KDR: variants seen among roughly 807,000 people sequenced by gnomAD.
KDR encodes the protein vascular endothelial growth factor receptor 2.
In KDR, 43 loss-of-function variants were observed where a neutral mutation model predicts 160.9. The observed-to-expected ratio is 0.27, with a 90% CI of 0.21 to 0.34. The LOEUF (loss-of-function observed/expected upper bound fraction) is 0.34, where lower values mean the gene tolerates loss of function less well. Among genes scored for constraint, KDR ranks in the 10% least tolerant of loss-of-function variants. The pLI, the probability that KDR is intolerant of heterozygous loss-of-function variation, is 1.00. For missense variants in KDR, 1,469 were observed against 1,666.4 expected, an observed-to-expected ratio of 0.88 and a Z score of 2.06; for synonymous variants, 617 against 600.1, an observed-to-expected ratio of 1.03 and a Z score of -0.41.
rs1719958839 is a variant in KDR at position 55,089,707 on chromosome 4, C to T, written c.3288G>A (p.Trp1096Ter). The change falls in exon 24 of 30, where the codon TGG (tryptophan) becomes TGA (stop). Residue 1096 changes from tryptophan to a stop codon, truncating the protein, a stop_gained. Transcript: ENST00000263923. LOFTEE classifies it high-confidence loss of function. ...SDVWSFGVLL[W>*]EIFSLGASPY... ...ATGACTTACCTAAGGAAAATATTTC[C>T]CACAGCAAAACACCAAAAGACCAGA... 6.2e-7 allele frequency: 1 copy of T among 1,613,684 alleles called. No individual in the cohort carries two copies. The highest frequency in any genetic ancestry group is 8.5e-7 in the Non-Finnish European group (1 of 1,179,768).
Position 55,079,736 on chromosome 4 carries a change from G to C in KDR, c.*205C>G. The C allele has an allele frequency of 1.6e-6, 1 of 619,528 alleles. No homozygotes were observed. The highest frequency in any genetic ancestry group is 2.8e-5 in the East Asian group (1 of 36,250). 38.4% of individuals were successfully genotyped at this position (619,528 alleles called of 1,614,324 possible). ...AAAAAGAGGATCAGGTCAACACTGG[G>C]AGAAGACACAGACACATTCTTGGGT... On this transcript the variant is annotated 3_prime_UTR_variant, in exon 30 of 30. Coordinates refer to ENST00000263923, the MANE Select transcript of KDR (RefSeq NM_002253.4).
chr4:55,124,037 A>G (rs932559890), intron 1 of KDR, among the ~76,000 whole-genome samples: 1 of 152,192 alleles, frequency 6.6e-6, no homozygotes, highest in Non-Finnish European at 1.5e-5. Flanking sequence ...GGGGAGAGAG[A>G]GGGCTTGTCT....
In KDR at chr4:55,106,829, A is replaced by C. The variant is rs141148696; in HGVS notation, c.1413-19T>G. 6.4e-4 allele frequency: 1,014 copies of C among 1,593,764 alleles called. 7 individuals carry two copies. The African/African-American group carries it at 0.012, about 19-fold the overall frequency. The stretch of plus-strand genomic sequence containing the variant: ...AGCTTGGCTATAAGAAAGAGATAAC[A>C]GCGCATATTATGATTTAATTTTTCT... On this transcript the variant is annotated intron_variant, in intron 10 of 29. Transcript: ENST00000263923.
rs1720137319 is a variant in KDR, at chr4:55,095,787, AGT to A, written c.2729-124_2729-123del. On this transcript the variant is annotated intron_variant, in intron 19 of 29. Coordinates refer to ENST00000263923, the MANE Select transcript of KDR (RefSeq NM_002253.4). The stretch of plus-strand genomic sequence containing the variant: ...GGCTACAACCTTTCATTGGGACAGG[AGT>A]GTAGAAATCAGCTGGTCCCAATCCC... 32 of 734,224 alleles carry A rather than the reference AGT, an allele frequency of 4.4e-5. No homozygotes were observed. In the South Asian group the frequency reaches 4.7e-4, roughly 11 times the overall value. 45.5% of individuals were successfully genotyped at this position (734,224 alleles called of 1,614,324 possible). A position where few individuals can be genotyped will look rare whatever the true frequency, so the allele number is the denominator to read the frequency against.
Position 55,098,247 on chromosome 4 carries a change from C to A in KDR, c.2399G>T (p.Gly800Val), listed in dbSNP as rs995912345. The A allele has an allele frequency of 6.2e-7, 1 of 1,613,764 alleles. No homozygotes were observed. The highest frequency in any genetic ancestry group is 1.3e-5 in the African/African-American group (1 of 74,908). ...TGGATCCATGACGATGGACAAGTAGCCTGTCTTCAGTTCCCCTCCATTGGC... is the reference window on the plus strand; with the variant it reads ...TGGATCCATGACGATGGACAAGTAGACTGTCTTCAGTTCCCCTCCATTGGC... Reference protein sequence around the residue: ...KRANGGELKTGYLSIVMDPDE... With the variant: ...KRANGGELKTVYLSIVMDPDE... The change falls in exon 17 of 30, where the codon GGC (glycine) becomes GTC (valine). Residue 800 changes from glycine to valine, a missense_variant. Physicochemically the swap from Gly to Val is moderately radical, Grantham distance 109 (BLOSUM62 -3). This residue lies in a region of KDR where 118 missense variants were observed against 110.8 expected (regional missense o/e 1.06). Transcript: ENST00000263923.
chr4:55,120,698 AT>A (rs761959098), intron 2 of KDR, among the ~76,000 whole-genome samples: 3 of 152,320 alleles, frequency 2.0e-5, no homozygotes, highest in Admixed American at 6.5e-5. Context: ...CATACCAAGC[AT>A]AATAAATATA....
chr4:55,098,048 T>C, intron 17 of KDR, 89 bp downstream of exon 17: 10 of 1,512,914 alleles, frequency 6.6e-6, no homozygotes, highest in South Asian at 1.1e-5. Flanking sequence ...GAATCCAACA[T>C]CTGAATACAC....
intron 22 of KDR, among the ~76,000 whole-genome samples, chr4:55,092,111 G>A (rs563486157): frequency 6.6e-6 from 1 of 152,306 alleles, no homozygotes; most frequent in African/African-American, 2.4e-5. Flanking sequence ...TTGCTCAAAT[G>A]TCAAGTTCTT....
In KDR at chr4:55,096,321, T is replaced by C; in HGVS notation, c.2636A>G (p.His879Arg). ...CTTGAGTTCAGACATGAGAGCTCGATGCTCACTGTGTGTTGCTCCTTCTAC... is the reference window on the plus strand; with the variant it reads ...CTTGAGTTCAGACATGAGAGCTCGACGCTCACTGTGTGTTGCTCCTTCTAC... The part of the protein sequence containing the change: ...MLKEGATHSE[H>R]RALMSELKIL... Residue 879 changes from histidine to arginine, a missense_variant, in exon 19 of 30, where the codon CAT becomes CGT. Physicochemically the swap from His to Arg is conservative, Grantham distance 29. Transcript: ENST00000263923. 6.2e-7 allele frequency: 1 copy of C among 1,612,600 alleles called. No homozygotes were observed. The highest frequency in any genetic ancestry group is 8.5e-7 in the Non-Finnish European group (1 of 1,178,792).
chr4:55,104,880 A>G lies in KDR; in HGVS notation c.1750T>C (p.Tyr584His). Residue 584 changes from tyrosine to histidine, a missense_variant, in exon 13 of 30, where the codon TAC becomes CAC. Tyr to His is a moderately conservative substitution (Grantham distance 83). This residue lies in a region of KDR where 792 missense variants were observed against 840.9 expected (regional missense o/e 0.94). Transcript: ENST00000263923. Reference protein sequence around the residue: ...DRSTFENLTWYKLGPQPLPIH... With the variant: ...DRSTFENLTWHKLGPQPLPIH... ...GGCAGAGGCTGTGGGCCAAGCTTGT[A>G]CCATGTGAGGTTCTCAAACGTAGAT... 3.1e-6 allele frequency: 5 copies of G among 1,614,014 alleles called. No individual in the cohort carries two copies. Among genetic ancestry groups the G allele is most frequent in the Non-Finnish European group, 4.2e-6 (5 of 1,179,906 alleles).
At chr4:55,087,883 G>C in intron 26 of KDR, 125 bp from the exon 27 acceptor site, 1 of 850,816 alleles carries the variant, frequency 1.2e-6, no homozygotes, top group Admixed American at 1.8e-5. Flanking sequence ...TCTGAACATA[G>C]AACTTTAAGA....
chr4:55,091,330 TC>T (rs1025972157), intron 22 of KDR, among the ~76,000 whole-genome samples: 55 of 152,128 alleles, frequency 3.6e-4, no homozygotes, highest in African/African-American at 1.2e-3. Context: ...TTTTGACTTT[TC>T]CCCCCAAACA....
At chr4:55,113,517 G>C in intron 6 of KDR, 36 bp from the exon 7 acceptor site, 1 of 1,578,802 alleles carries the variant, frequency 6.3e-7, no homozygotes, top group South Asian at 1.1e-5. Context: ...CCAAAGCACA[G>C]CATATAACAT....
Position 55,110,765 on chromosome 4 carries a change from T to G in KDR, c.980A>C (p.Lys327Thr). ...GCCACTTCCAAAAGCAACAAAAGGTTTTTCTGGAAGAAAATAAAAAAAAAA... is the reference window on the plus strand; with the variant it reads ...GCCACTTCCAAAAGCAACAAAAGGTGTTTCTGGAAGAAAATAAAAAAAAAA... ...KNSTFVRVHE[K>T]PFVAFGSGME... The change falls in exon 8 of 30, where the codon AAA (lysine) becomes ACA (threonine). Residue 327 changes from lysine to threonine, a missense_variant. Physicochemically the swap from Lys to Thr is moderately conservative, Grantham distance 78 (BLOSUM62 -1). Coordinates refer to ENST00000263923, the MANE Select transcript of KDR (RefSeq NM_002253.4). 2 of 1,590,074 alleles carry G rather than the reference T, an allele frequency of 1.3e-6. No homozygotes were observed. Among genetic ancestry groups the G allele is most frequent in the South Asian group, 2.2e-5 (2 of 89,868 alleles).
At chr4:55,094,576 C>T (rs569066396) in intron 21 of KDR, among the ~76,000 whole-genome samples, 55 of 152,352 alleles carry the variant, frequency 3.6e-4, no homozygotes, top group African/African-American at 1.3e-3. Flanking sequence ...CCCACTTGGA[C>T]TACCCAGATT....
rs367665921 is a variant in KDR, at chr4:55,089,913, TTC to T, written c.3192+41_3192+42del. The T allele has an allele frequency of 8.0e-5, 129 of 1,612,662 alleles. No homozygotes were observed. In the African/African-American group the frequency reaches 1.6e-3, roughly 19 times the overall value. Reference sequence around the variant, plus strand: ...TGAAGCTCTCTACGAGGAGTTTTAATTCTGTTACTTAACCAAGCACTGGGTTC... The same window carrying T: ...TGAAGCTCTCTACGAGGAGTTTTAATTGTTACTTAACCAAGCACTGGGTTC... On this transcript the variant is annotated intron_variant, in intron 23 of 29. Transcript: ENST00000263923.
intron 22 of KDR, 70 bp from the exon 23 acceptor site, chr4:55,090,148 T>C (rs1247654434): frequency 1.3e-6 from 2 of 1,584,938 alleles, no homozygotes; most frequent in African/African-American, 1.3e-5. Flanking sequence ...TGTGACCTCA[T>C]GCATCAAAAA....
chr4:55,106,605 T>C, intron 11 of KDR, 82 bp downstream of exon 11: 1 of 1,025,966 alleles, frequency 9.7e-7, no homozygotes, highest in South Asian at 1.3e-5. Flanking sequence ...TGATTATTAA[T>C]CTCCAATATG....
chr4:55,114,735 A>G, intron 5 of KDR, 139 bp downstream of exon 5: 1 of 746,764 alleles, frequency 1.3e-6, no homozygotes, highest in Non-Finnish European at 2.3e-6. Flanking sequence ...TATTTGGTAG[A>G]GAAGAGCAGA....
Sources: gnomAD v4.1 joint callset for allele counts (sites outside exome capture counted in the v4.1 genomes callset) on GRCh38, gnomAD v4.1.1 for gene constraint, gnomAD v4.1.1 regional missense constraint, MANE v1.5 for transcripts, NCBI Gene and HGNC (gene_info 2026-07-23, HGNC 2026-07-21) for gene names.